MIPEP: variants seen among roughly 807,000 people sequenced by gnomAD.
The protein encoded by MIPEP is mitochondrial intermediate peptidase.
In MIPEP, 79 loss-of-function variants were observed where a neutral mutation model predicts 90.3. The observed-to-expected ratio is 0.87, with a 90% CI of 0.73 to 1.05. The LOEUF (loss-of-function observed/expected upper bound fraction) is 1.05, where lower values mean the gene tolerates loss of function less well. Among genes scored for constraint, MIPEP ranks in the 50% least tolerant of loss-of-function variants. The pLI is 0.00. For missense variants in MIPEP, 940 were observed against 905.6 expected (o/e 1.04, Z -0.49); for synonymous variants, 334 against 315.8 (o/e 1.06, Z -0.61).
chr13:23,851,899 C>T (rs1486125313), intron 10 of MIPEP, among the ~76,000 whole-genome samples: 1 of 152,144 alleles, frequency 6.6e-6, no homozygotes, highest in Non-Finnish European at 1.5e-5. Context: ...AAGTATACAA[C>T]ATCACCTATG....
chr13:23,765,766 GT>G (rs1175428652), intron 16 of MIPEP, among the ~76,000 whole-genome samples: 1 of 152,206 alleles, frequency 6.6e-6, no homozygotes, highest in Non-Finnish European at 1.5e-5. Context: ...GACATTCAAT[GT>G]TACTGACAAC....
chr13:23,847,415 A>G (rs923496354), intron 10 of MIPEP, among the ~76,000 whole-genome samples: 11 of 149,742 alleles, frequency 7.3e-5, no homozygotes, highest in African/African-American at 2.7e-4. Flanking sequence ...GAAACTGGAC[A>G]TGGTAAGCGC....
At chr13:23,735,608 T>TA (rs11369731) in intron 18 of MIPEP, among the ~76,000 whole-genome samples, 113,618 of 152,020 alleles carry the variant, frequency 0.75, 43,282 homozygotes, top group Middle Eastern at 0.83. Context: ...TTCCCCACCT[T>TA]AAACAATTCC....
chr13:23,864,322 G>A (rs1168225501), intron 7 of MIPEP, 133 bp from the exon 8 acceptor site: 2 of 651,448 alleles, frequency 3.1e-6, no homozygotes, highest in Non-Finnish European at 5.2e-6. Flanking sequence ...AAGGGAAGTA[G>A]AGCTACCAAC....
intron 18 of MIPEP, among the ~76,000 whole-genome samples, chr13:23,746,832 G>T (rs537734568): frequency 1.3e-3 from 201 of 152,060 alleles, no homozygotes; most frequent in Non-Finnish European, 1.8e-3. Flanking sequence ...TCTACTACAA[G>T]ATATTTACTT....
intron 10 of MIPEP, among the ~76,000 whole-genome samples, chr13:23,847,773 C>T (rs1471083134): frequency 6.6e-6 from 1 of 152,096 alleles, no homozygotes; most frequent in Non-Finnish European, 1.5e-5. Flanking sequence ...GGGTTTGAAG[C>T]TAATACAAAG....
intron 7 of MIPEP, among the ~76,000 whole-genome samples, chr13:23,868,281 G>A (rs756640272): frequency 1.9e-4 from 29 of 152,284 alleles, no homozygotes; most frequent in Non-Finnish European, 3.4e-4. Flanking sequence ...ATAGGAGAGT[G>A]ACACGAGCAA....
At chr13:23,809,588 C>G (rs1372228348) in intron 15 of MIPEP, among the ~76,000 whole-genome samples, 4 of 152,068 alleles carry the variant, frequency 2.6e-5, no homozygotes, top group African/African-American at 9.7e-5. Context: ...CGTGATTCGC[C>G]CACCTCGGCC....
At chr13:23,874,972 G>A in intron 4 of MIPEP, 63 bp from the exon 5 acceptor site, 1 of 1,402,478 alleles carries the variant, frequency 7.1e-7, no homozygotes, top group Admixed American at 2.5e-5. Flanking sequence ...AAAAATTGTG[G>A]TTTTTTGTTA....
intron 16 of MIPEP, among the ~76,000 whole-genome samples, chr13:23,764,235 C>A (rs768699578): frequency 3.6e-4 from 55 of 152,150 alleles, no homozygotes; most frequent in Non-Finnish European, 7.2e-4. Flanking sequence ...CTATTTAAAC[C>A]TTCCTTGAGT....
Position 23,847,791 on chromosome 13 carries a change from T to C in MIPEP, c.1107-6303A>G, listed in dbSNP as rs186640959. On this transcript the variant is annotated intron_variant, in intron 10 of 18. Coordinates refer to ENST00000382172, the MANE Select transcript of MIPEP (RefSeq NM_005932.4). ...TTTGAAGCTAATACAAAGGAAGAGATGGTGATTGTGATAAAGTTAGAATAA... is the reference window on the plus strand; with the variant it reads ...TTTGAAGCTAATACAAAGGAAGAGACGGTGATTGTGATAAAGTTAGAATAA... Among the ~76,000 whole-genome samples, 784 of 152,304 alleles carry C rather than the reference T, an allele frequency of 5.1e-3. 2 individuals carry two copies. Among genetic ancestry groups the C allele is most frequent in the African/African-American group, 0.018 (728 of 41,552 alleles).
chr13:23,809,787 A>G, intron 15 of MIPEP, 63 bp downstream of exon 15: 1 of 974,208 alleles, frequency 1.0e-6, no homozygotes, highest in South Asian at 1.5e-5. Context: ...GCAAGAATGT[A>G]AAGTTATATA....
chr13:23,798,998 TGG>T lies in MIPEP; in HGVS notation c.1848+6950_1848+6951del, dbSNP rs141545285. Among the ~76,000 whole-genome samples the T allele has an allele frequency of 6.6e-5, 9 of 135,430 alleles. No individual in the cohort carries two copies. The South Asian group carries it at 7.0e-4, about 11-fold the overall frequency. 88.8% of individuals were successfully genotyped at this position (135,430 alleles called of 152,430 possible). ...CTAGGGTAAATTAGAATAATTTTTT[TGG>T]TTTTTTTTTTTTTTTTTTTTTTTGA... On this transcript the variant is annotated intron_variant, in intron 16 of 18. Coordinates refer to ENST00000382172, the MANE Select transcript of MIPEP (RefSeq NM_005932.4).
rs1952342969 is a variant in MIPEP at position 23,742,638 on chromosome 13, C to T, written c.2045-12193G>A. 3.3e-5 allele frequency among the ~76,000 whole-genome samples: 5 copies of T among 152,324 alleles called. No homozygotes were observed. The South Asian group carries it at 1.0e-3, about 32-fold the overall frequency. On this transcript the variant is annotated intron_variant, in intron 18 of 18. Transcript: ENST00000382172. ...TTTTTGCACAAGTTCAATTCCAAAA[C>T]ATTGATCTGTGATTAAATATCATAA...
intron 16 of MIPEP, 91 bp from the exon 17 acceptor site, chr13:23,760,308 A>C (rs561723529): frequency 7.8e-6 from 12 of 1,543,102 alleles, no homozygotes; most frequent in Non-Finnish European, 1.1e-5. Flanking sequence ...ACACAGAGAG[A>C]CCCGTAAATG....
At chr13:23,784,853 G>A (rs1952820634) in intron 16 of MIPEP, among the ~76,000 whole-genome samples, 1 of 152,146 alleles carries the variant, frequency 6.6e-6, no homozygotes, top group African/African-American at 2.4e-5. Flanking sequence ...CTTCTCAAAA[G>A]AAGACATTTA....
chr13:23,774,225 G>A (rs1040328304), intron 16 of MIPEP, among the ~76,000 whole-genome samples: 3 of 151,914 alleles, frequency 2.0e-5, no homozygotes, highest in African/African-American at 4.8e-5. Flanking sequence ...TAAATGTATG[G>A]CTTTTTTTTT....
intron 18 of MIPEP, among the ~76,000 whole-genome samples, chr13:23,747,828 C>T (rs1027746681): frequency 6.6e-6 from 1 of 151,938 alleles, no homozygotes; most frequent in Non-Finnish European, 1.5e-5. Context: ...ACAACCTCTG[C>T]CTCCCGGGTT....
rs143769766 is a variant in MIPEP, at chr13:23,799,163, G to A, written c.1848+6787C>T. Among the ~76,000 whole-genome samples the A allele has an allele frequency of 5.7e-3, 831 of 146,428 alleles. 7 individuals carry two copies. Among genetic ancestry groups the A allele is most frequent in the African/African-American group, 0.02 (771 of 39,168 alleles). ...AGACTACAGGCATGTACCACCACGC[G>A]CAGCTGATTTTTTTTTTTTGTATTT... is the stretch of plus-strand genomic sequence containing the variant. On this transcript the variant is annotated intron_variant, in intron 16 of 18. Coordinates refer to ENST00000382172, the MANE Select transcript of MIPEP (RefSeq NM_005932.4).
Sources: allele counts gnomAD v4.1 joint callset (sites outside exome capture counted in the v4.1 genomes callset), GRCh38; gene constraint gnomAD v4.1.1; transcripts MANE v1.5; gene names NCBI Gene and HGNC (gene_info 2026-07-23, HGNC 2026-07-21).